The following PTPRR variants were observed in gnomAD, a reference collection of about 807,000 sequenced individuals.
The protein encoded by PTPRR is protein tyrosine phosphatase receptor type R.
Under a neutral mutation model 77.2 loss-of-function variants are expected in PTPRR, and 38 were observed. The ratio of observed to expected loss-of-function variants is 0.49; its 90% CI spans 0.38 to 0.65. The LOEUF is 0.65. PTPRR is among the 30% of genes least tolerant of loss of function. The pLI is 0.00. For missense variants in PTPRR, 744 were observed against 799.2 expected, an observed-to-expected ratio of 0.93 and a Z score of 0.83; for synonymous variants, 299 against 283.1, an observed-to-expected ratio of 1.06 and a Z score of -0.57.
At chr12:70,876,594 G>A (rs1893055743) in intron 2 of PTPRR, among the ~76,000 whole-genome samples, 1 of 152,024 alleles carries the variant, frequency 6.6e-6, no homozygotes, top group Non-Finnish European at 1.5e-5. Context: ...TGTATTTAAA[G>A]GAAATATAAA....
chr12:70,719,017 T>C (rs74565952), intron 6 of PTPRR, among the ~76,000 whole-genome samples: 2,204 of 152,290 alleles, frequency 0.014, 27 homozygotes, highest in Non-Finnish European at 0.026. Flanking sequence ...AGACATTCTG[T>C]TCAAACGGAT....
At chr12:70,813,916 G>A (rs1891853748) in intron 2 of PTPRR, among the ~76,000 whole-genome samples, 2 of 152,256 alleles carry the variant, frequency 1.3e-5, no homozygotes, top group African/African-American at 2.4e-5. Context: ...GAGGCAGGGG[G>A]AATAAAACCA....
intron 6 of PTPRR, among the ~76,000 whole-genome samples, chr12:70,711,400 A>T (rs529594992): frequency 2.6e-5 from 4 of 152,166 alleles, no homozygotes; most frequent in African/African-American, 9.6e-5. Flanking sequence ...GAGGGTAGAG[A>T]GTGGGAGGAG....
intron 6 of PTPRR, among the ~76,000 whole-genome samples, chr12:70,701,711 G>T (rs1354513788): frequency 6.6e-6 from 1 of 152,112 alleles, no homozygotes; most frequent in Non-Finnish European, 1.5e-5. Context: ...GGTAGTTCAT[G>T]ACTGCAATCC....
At chr12:70,714,696 T>G (rs1386422154) in intron 6 of PTPRR, among the ~76,000 whole-genome samples, 1 of 152,200 alleles carries the variant, frequency 6.6e-6, no homozygotes, top group Non-Finnish European at 1.5e-5. Flanking sequence ...TATAAGTTTC[T>G]CCTATAGACC....
intron 7 of PTPRR, among the ~76,000 whole-genome samples, chr12:70,699,889 T>C (rs1888358646): frequency 6.6e-6 from 1 of 152,202 alleles, no homozygotes; most frequent in Non-Finnish European, 1.5e-5. Context: ...TGACAGTCTG[T>C]CATCTTCCAG....
chr12:70,693,925 T>C (rs150967701), intron 8 of PTPRR, among the ~76,000 whole-genome samples: 80 of 152,252 alleles, frequency 5.3e-4, no homozygotes, highest in African/African-American at 1.7e-3. Context: ...TAACATTAGC[T>C]GAGGGCTTAC....
intron 2 of PTPRR, among the ~76,000 whole-genome samples, chr12:70,885,685 C>A (rs1592814607): frequency 6.6e-6 from 1 of 151,022 alleles, no homozygotes; most frequent in Non-Finnish European, 1.5e-5. Flanking sequence ...TAGGCGCCCA[C>A]CACCATGCCC....
At chr12:70,759,718 T>C (rs905294772) in intron 4 of PTPRR, among the ~76,000 whole-genome samples, 1 of 124,704 alleles carries the variant, frequency 8.0e-6, no homozygotes, top group African/African-American at 2.9e-5. Context: ...AAACGAAAGG[T>C]ATGTAGATGA....
chr12:70,762,194 T>A (rs1202518606), intron 3 of PTPRR, among the ~76,000 whole-genome samples: 1 of 152,172 alleles, frequency 6.6e-6, no homozygotes, highest in Admixed American at 6.6e-5. Flanking sequence ...GCATATCTTA[T>A]GTAGTGATGT....
intron 1 of PTPRR, among the ~76,000 whole-genome samples, chr12:70,908,303 T>A (rs1048318559): frequency 2.6e-5 from 4 of 152,160 alleles, no homozygotes; most frequent in Admixed American, 6.5e-5. Flanking sequence ...AGTGGGTGTA[T>A]TAGTCCATTC....
At position 70,665,364 on chromosome 12, in the gene PTPRR, C is replaced by CTTTTTTTTTTTTTTTTT. The variant is rs72472808; in HGVS notation, c.1498-2776_1498-2760dup. Among the ~76,000 whole-genome samples, 14 of 44,562 alleles carry CTTTTTTTTTTTTTTTTT rather than the reference C, an allele frequency of 3.1e-4. 4 individuals carry two copies. Among genetic ancestry groups the CTTTTTTTTTTTTTTTTT allele is most frequent in the Admixed American group, 7.9e-4 (2 of 2,520 alleles). The allele number at this position is 44,562 out of a possible 152,430, so 29.2% of individuals were successfully genotyped here. ...GATGTAACACAAAGCAATGCAAATT[C>CTTTTTTTTTTTTTTTTT]TTTTTTTTTTTTTTTTTTTTTTTTT... On this transcript the variant is annotated intron_variant, in intron 10 of 13. Transcript: ENST00000283228.
At chr12:70,776,391 T>C (rs1891088570) in intron 2 of PTPRR, among the ~76,000 whole-genome samples, 2 of 152,212 alleles carry the variant, frequency 1.3e-5, no homozygotes, top group Admixed American at 1.3e-4. Flanking sequence ...GTTGCCAGTT[T>C]TCTGTGGTCT....
At chr12:70,775,613 C>G (rs186059346) in intron 2 of PTPRR, among the ~76,000 whole-genome samples, 3 of 152,144 alleles carry the variant, frequency 2.0e-5, no homozygotes, top group Non-Finnish European at 4.4e-5. Context: ...ACCCAGTGGT[C>G]CAGTTAGTGG....
intron 2 of PTPRR, among the ~76,000 whole-genome samples, chr12:70,799,278 A>G (rs1340011255): frequency 1.3e-5 from 2 of 152,182 alleles, no homozygotes; most frequent in African/African-American, 4.8e-5. Context: ...TGTTATATAT[A>G]CCTATATTAA....
intron 1 of PTPRR, among the ~76,000 whole-genome samples, chr12:70,901,765 A>G (rs1446926117): frequency 6.6e-6 from 1 of 151,762 alleles, no homozygotes. Flanking sequence ...GGACTTAATC[A>G]TTAATTTAAT....
intron 2 of PTPRR, among the ~76,000 whole-genome samples, chr12:70,842,518 C>G (rs183913328): frequency 6.6e-6 from 1 of 152,176 alleles, no homozygotes; most frequent in African/African-American, 2.4e-5. Context: ...TTCCTCCCCC[C>G]AAAAATGGAG....
At chr12:70,801,999 G>T (rs1036745565) in intron 2 of PTPRR, among the ~76,000 whole-genome samples, 3 of 152,074 alleles carry the variant, frequency 2.0e-5, no homozygotes, top group Non-Finnish European at 4.4e-5. Flanking sequence ...GTAGGTTGTG[G>T]CCACAAAATT....
intron 10 of PTPRR, among the ~76,000 whole-genome samples, chr12:70,677,163 CTATT>C (rs1297794212): frequency 2.0e-5 from 3 of 151,966 alleles, no homozygotes; most frequent in Non-Finnish European, 4.4e-5. Context: ...TTAGGTATCT[CTATT>C]TATTGGTAGC....
Sources: allele counts gnomAD v4.1 joint callset (sites outside exome capture counted in the v4.1 genomes callset), GRCh38; gene constraint gnomAD v4.1.1; transcripts MANE v1.5; gene names NCBI Gene and HGNC (gene_info 2026-07-23, HGNC 2026-07-21).